RNF111: variants seen among roughly 807,000 people sequenced by gnomAD.
RNF111 encodes the protein ring finger protein 111.
Under a neutral mutation model 95.1 loss-of-function variants are expected in RNF111, and 17 were observed. The observed-to-expected ratio is 0.18, with a 90% CI of 0.12 to 0.27. The LOEUF (loss-of-function observed/expected upper bound fraction) is 0.27. Ranked by LOEUF, RNF111 falls within the 10% of genes least tolerant of loss-of-function variation. The pLI, the probability that RNF111 is intolerant of heterozygous loss-of-function variation, is 1.00. For missense variants in RNF111, 1,189 were observed against 1,210.4 expected (o/e 0.98, Z 0.26); for synonymous variants, 440 against 414.8 (o/e 1.06, Z -0.74).
intron 12 of RNF111, 168 bp from the exon 13 acceptor site, chr15:59,092,369 G>A: frequency 3.7e-6 from 2 of 544,890 alleles, no homozygotes; most frequent in Non-Finnish European, 5.9e-6. Flanking sequence ...CTTAATTGAT[G>A]ATAGTCACTT....
chr15:59,082,235 A>G (rs2078766178), intron 8 of RNF111, among the ~76,000 whole-genome samples: 1 of 152,234 alleles, frequency 6.6e-6, no homozygotes, highest in South Asian at 2.1e-4. Flanking sequence ...CAGTTTTACC[A>G]TATGACCCAG....
chr15:58,990,372 G>A (rs2955704), intron 1 of RNF111, among the ~76,000 whole-genome samples: 82,654 of 152,092 alleles, frequency 0.54, 24,270 homozygotes, highest in South Asian at 0.67. Flanking sequence ...CTGTCATGAA[G>A]CTGTGGGCCA....
chr15:59,096,340 C>G lies in RNF111; in HGVS notation c.*1440C>G. 2.9e-6 allele frequency: 1 copy of G among 340,488 alleles called. No individual in the cohort carries two copies. Among genetic ancestry groups the G allele is most frequent in the East Asian group, 4.4e-5 (1 of 22,792 alleles). The allele number at this position is 340,488 out of a possible 1,614,324, so 21.1% of individuals were successfully genotyped here. On this transcript the variant is annotated 3_prime_UTR_variant, in exon 14 of 14. Transcript: ENST00000348370. Reference sequence around the variant, plus strand: ...TGTCTGTATGTGGAGGACATGTTCCCATGGATCATATGTGAAGATGTCAAT... The same window carrying G: ...TGTCTGTATGTGGAGGACATGTTCCGATGGATCATATGTGAAGATGTCAAT...
chr15:58,995,219 C>T (rs2039006858), intron 1 of RNF111, among the ~76,000 whole-genome samples: 1 of 152,202 alleles, frequency 6.6e-6, no homozygotes, highest in South Asian at 2.1e-4. Flanking sequence ...CTGATCTTTA[C>T]TGATCTTTAC....
In RNF111 at chr15:59,055,716, T is replaced by C; in HGVS notation, c.1042T>C (p.Trp348Arg). 1.2e-6 allele frequency: 2 copies of C among 1,613,968 alleles called. No individual in the cohort carries two copies. Among genetic ancestry groups the C allele is most frequent in the Non-Finnish European group, 1.7e-6 (2 of 1,179,934 alleles). Reference protein sequence around the residue: ...RSTLGHSRSHWSQGSSSHASR... With the variant: ...RSTLGHSRSHRSQGSSSHASR... ...AACCCTTGGACACTCCAGATCTCAT[T>C]GGAGCCAGGGTTCCAGTTCTCATGC... is the stretch of plus-strand genomic sequence containing the variant. Residue 348 changes from tryptophan (W) to arginine (R), a missense_variant, in exon 4 of 14, where the codon TGG (tryptophan) becomes CGG (arginine). Trp to Arg is a moderately radical substitution (Grantham distance 101, BLOSUM62 -3). This residue lies in a region of RNF111 where 1,024 missense variants were observed against 925.9 expected (regional missense o/e 1.11). Coordinates refer to ENST00000348370, the MANE Select transcript of RNF111 (RefSeq NM_017610.8).
At chr15:59,070,059 T>TTTTTG (rs1555398688) in intron 6 of RNF111, among the ~76,000 whole-genome samples, 1 of 100,614 alleles carries the variant, frequency 9.9e-6, no homozygotes, top group African/African-American at 3.8e-5. Context: ...TTTTTTTTTT[T>TTTTTG]AGAGAGGATC....
chr15:58,990,394 T>C (rs1187259861), intron 1 of RNF111, among the ~76,000 whole-genome samples: 1 of 152,218 alleles, frequency 6.6e-6, no homozygotes, highest in Non-Finnish European at 1.5e-5. Flanking sequence ...GCGTGGTGGC[T>C]CACCCCTGTA....
rs183785137 is a variant in RNF111 at position 59,042,284 on chromosome 15, G to A, written c.881-10021G>A. On this transcript the variant is annotated intron_variant, in intron 2 of 13. Transcript: ENST00000348370. ...TGGGACCACAAGTGCACACCCCCAC[G>A]CCTGGCTAATTTTTATATTTTTAGG... Among the ~76,000 whole-genome samples the A allele has an allele frequency of 2.5e-3, 382 of 151,790 alleles. 3 individuals are homozygous for A. The highest frequency in any genetic ancestry group is 2.4e-3 in the Non-Finnish European group (166 of 67,932).
At position 59,058,500 on chromosome 15, in the gene RNF111, A is replaced by G. The variant is rs759723062; in HGVS notation, c.1316A>G (p.Glu439Gly). The G allele has an allele frequency of 8.7e-6, 14 of 1,614,008 alleles. No individual in the cohort carries two copies. The highest frequency in any genetic ancestry group is 1.2e-5 in the Non-Finnish European group (14 of 1,179,982). The change falls in exon 5 of 14, where the codon GAG (glutamate) becomes GGG (glycine). Residue 439 changes from glutamate (E) to glycine (G), a missense_variant. Glu to Gly is a moderately conservative substitution (Grantham distance 98). Coordinates refer to ENST00000348370, the MANE Select transcript of RNF111 (RefSeq NM_017610.8). Reference protein sequence around the residue: ...VTSSQPSTVSETSATLTSNST... With the variant: ...VTSSQPSTVSGTSATLTSNST... Reference sequence around the variant, plus strand: ...AGTAGCCAACCTTCCACAGTGTCAGAGACTTCAGCTACTCTTACAAGCAAT... The same window carrying G: ...AGTAGCCAACCTTCCACAGTGTCAGGGACTTCAGCTACTCTTACAAGCAAT...
intron 6 of RNF111, among the ~76,000 whole-genome samples, chr15:59,072,856 T>C (rs1320723574): frequency 7.3e-5 from 11 of 150,018 alleles, no homozygotes; most frequent in Non-Finnish European, 1.6e-4. Context: ...AAATGATGTG[T>C]CTGGGGCCCT....
intron 2 of RNF111, among the ~76,000 whole-genome samples, chr15:59,033,353 T>C (rs1458246144): frequency 1.3e-5 from 2 of 152,214 alleles, no homozygotes; most frequent in African/African-American, 4.8e-5. Context: ...AACCTTGTTA[T>C]TAATCTTAGG....
chr15:59,055,469 T>C (rs2042163839), intron 3 of RNF111, among the ~76,000 whole-genome samples: 1 of 152,134 alleles, frequency 6.6e-6, no homozygotes, highest in Non-Finnish European at 1.5e-5. Flanking sequence ...CAGAATCCTG[T>C]ATTTTACACT....
intron 1 of RNF111, among the ~76,000 whole-genome samples, chr15:59,021,011 C>CAAAATCTGCACTGCAGATCTGTT (rs2040311847): frequency 1.3e-5 from 2 of 151,914 alleles, no homozygotes; most frequent in Non-Finnish European, 2.9e-5. Context: ...TTTGGTGCAC[C>CAAAATCTGCACTGCAGATCTGTT]CATCACCTGA....
chr15:59,015,819 G>C (rs1202576232), intron 1 of RNF111, among the ~76,000 whole-genome samples: 1 of 151,982 alleles, frequency 6.6e-6, no homozygotes, highest in Non-Finnish European at 1.5e-5. Flanking sequence ...TGTTCCTACA[G>C]AGTGCTTTTA....
chr15:58,997,277 G>C (rs1356949908), intron 1 of RNF111, among the ~76,000 whole-genome samples: 1 of 152,018 alleles, frequency 6.6e-6, no homozygotes, highest in Non-Finnish European at 1.5e-5. Flanking sequence ...CTCAGAGTGT[G>C]GTCTGTTGAC....
At chr15:59,033,533 G>A (rs2041018491) in intron 2 of RNF111, among the ~76,000 whole-genome samples, 1 of 152,162 alleles carries the variant, frequency 6.6e-6, no homozygotes, top group South Asian at 2.1e-4. Flanking sequence ...TTTCTCAAGT[G>A]GTCAGAATGT....
intron 1 of RNF111, among the ~76,000 whole-genome samples, chr15:59,023,243 A>T (rs896245099): frequency 6.6e-6 from 1 of 152,130 alleles, no homozygotes; most frequent in South Asian, 2.1e-4. Flanking sequence ...GCAAGACTCA[A>T]TCTCAAAGAA....
intron 1 of RNF111, among the ~76,000 whole-genome samples, chr15:58,994,344 C>T (rs1417313443): frequency 2.0e-5 from 3 of 151,448 alleles, no homozygotes; most frequent in Non-Finnish European, 2.9e-5. Flanking sequence ...TGGCTACTTA[C>T]ATTTTTATTT....
chr15:59,046,703 C>T (rs2041726786), intron 2 of RNF111, among the ~76,000 whole-genome samples: 1 of 152,062 alleles, frequency 6.6e-6, no homozygotes, highest in Non-Finnish European at 1.5e-5. Flanking sequence ...AATCACAATC[C>T]ATAAAAGAAG....
Sources: allele counts gnomAD v4.1 joint callset (sites outside exome capture counted in the v4.1 genomes callset), GRCh38; gene constraint gnomAD v4.1.1; regional missense constraint gnomAD v4.1.1; transcripts MANE v1.5; gene names NCBI Gene and HGNC (gene_info 2026-07-23, HGNC 2026-07-21).